The following PFKFB1 variants were observed in gnomAD, a reference collection of about 807,000 sequenced individuals.
PFKFB1 encodes the protein 6-phosphofructo-2-kinase/fructose-2,6-bisphosphatase 1.
PFKFB1 carries 34 observed loss-of-function variants against 46.4 expected under a neutral mutation model. The ratio of observed to expected loss-of-function variants is 0.73; its 90% CI spans 0.56 to 0.98. The LOEUF is 0.98. PFKFB1 is among the 50% of genes least tolerant of loss of function. The pLI is 0.00. For synonymous variants in PFKFB1, 119 were observed against 133.8 expected, an observed-to-expected ratio of 0.89 and a Z score of 0.76; for missense variants, 393 against 376.3, an observed-to-expected ratio of 1.04 and a Z score of -0.37.
Position 54,952,084 on chromosome X carries a change from C to T in PFKFB1, c.667G>A (p.Val223Met), listed in dbSNP as rs763051175. The T allele has an allele frequency of 5.0e-6, 6 of 1,210,987 alleles. No homozygotes were observed. In the Admixed American group the frequency reaches 8.7e-5, roughly 18 times the overall value. Residue 223 changes from valine (V) to methionine (M), a missense_variant, in exon 8 of 14, where the codon GTG becomes ATG. By Grantham distance (21) the Val-to-Met change is conservative. Coordinates refer to ENST00000375006, the MANE Select transcript of PFKFB1 (RefSeq NM_002625.4). Reference protein sequence around the residue: ...SHLSYIKIFDVGTRYMVNRVQ... With the variant: ...SHLSYIKIFDMGTRYMVNRVQ... ...CGGTTCACCATGTAGCGTGTGCCCA[C>T]GTCGAAGATCTTGATGTAGGACAGG...
chrX:54,988,962 A>C (rs187739144), intron 1 of PFKFB1, among the ~76,000 whole-genome samples: 1 of 112,370 alleles, frequency 8.9e-6, no homozygotes, highest in Admixed American at 9.4e-5. Flanking sequence ...ACATGCCCAA[A>C]GAAACGAGCC....
At chrX:54,966,119 C>A (rs937006678) in intron 1 of PFKFB1, among the ~76,000 whole-genome samples, 2 of 111,566 alleles carry the variant, frequency 1.8e-5, no homozygotes, top group East Asian at 5.6e-4. Flanking sequence ...AAATGTGAAT[C>A]GACTAAACAT....
intron 1 of PFKFB1, among the ~76,000 whole-genome samples, chrX:54,976,171 T>A (rs939605798): frequency 2.7e-5 from 3 of 111,737 alleles, no homozygotes; most frequent in African/African-American, 9.7e-5. Flanking sequence ...TTAACATTTT[T>A]TTATCTGTGA....
At chrX:54,938,603 T>C (rs894543652) in intron 10 of PFKFB1, among the ~76,000 whole-genome samples, 1 of 111,214 alleles carries the variant, frequency 9.0e-6, no homozygotes, top group Non-Finnish European at 1.9e-5. Flanking sequence ...TCCTAGTCTC[T>C]GATAAAACAG....
At chrX:54,979,912 G>A in intron 1 of PFKFB1, among the ~76,000 whole-genome samples, 1 of 111,956 alleles carries the variant, frequency 8.9e-6, no homozygotes, top group Middle Eastern at 4.6e-3. Context: ...TTGGAAGCCA[G>A]CTGTCATGTT....
At chrX:54,998,054 G>A (rs1463503904), upstream of PFKFB1, among the ~76,000 whole-genome samples, 1 of 111,931 alleles carries the variant, frequency 8.9e-6, no homozygotes, top group African/African-American at 3.3e-5. Context: ...AAGAGAGCTT[G>A]TTCAAAGCGC....
chrX:54,939,620 C>T (rs1019834328), intron 10 of PFKFB1, among the ~76,000 whole-genome samples: 17 of 111,841 alleles, frequency 1.5e-4, no homozygotes, highest in African/African-American at 2.3e-4. Flanking sequence ...AACACCTCTA[C>T]GCAAATAAAC....
rs1934007560 is a variant in PFKFB1 at position 54,952,227 on chromosome X, TC to T, written c.639-116del. The T allele has an allele frequency of 9.2e-6, 5 of 543,132 alleles. No homozygotes were observed. In the Admixed American group the frequency reaches 1.1e-4, roughly 12 times the overall value. The allele number at this position is 543,132 out of a possible 1,213,427, so 44.8% of individuals were successfully genotyped here. A position where few individuals can be genotyped will look rare whatever the true frequency, so the allele number is the denominator to read the frequency against. Reference sequence around the variant, plus strand: ...TCAAACCTCTTCCACAACCCAGCTGTCACCTAATGTGATGCAATGCCTTGCC... The same window carrying T: ...TCAAACCTCTTCCACAACCCAGCTGTACCTAATGTGATGCAATGCCTTGCC... On this transcript the variant is annotated intron_variant, in intron 7 of 13. Transcript: ENST00000375006.
intron 1 of PFKFB1, among the ~76,000 whole-genome samples, chrX:54,976,899 A>C (rs1479813229): frequency 1.8e-5 from 2 of 111,047 alleles, no homozygotes; most frequent in African/African-American, 3.3e-5. Flanking sequence ...CTGACATGTG[A>C]TATAATTCCA....
chrX:54,984,001 T>C (rs779642616), intron 1 of PFKFB1, among the ~76,000 whole-genome samples: 1 of 111,659 alleles, frequency 9.0e-6, no homozygotes, highest in Non-Finnish European at 1.9e-5. Flanking sequence ...CTTTGCCCAC[T>C]TTTTAATAGG....
chrX:54,997,123 T>C (rs1935368316), upstream of PFKFB1, among the ~76,000 whole-genome samples: 1 of 111,925 alleles, frequency 8.9e-6, no homozygotes, highest in Admixed American at 9.5e-5. Flanking sequence ...AGTCTACATC[T>C]CTCTGCCCTA....
At chrX:54,963,515 T>A in intron 1 of PFKFB1, 133 bp from the exon 2 acceptor site, 1 of 634,799 alleles carries the variant, frequency 1.6e-6, no homozygotes, top group Non-Finnish European at 2.3e-6. Flanking sequence ...AAAGTGAAAA[T>A]TAAGAACTTC....
intron 1 of PFKFB1, among the ~76,000 whole-genome samples, chrX:54,966,701 C>T (rs1299646014): frequency 9.0e-6 from 1 of 110,858 alleles, no homozygotes; most frequent in African/African-American, 3.3e-5. Flanking sequence ...TTTTTCCTCT[C>T]CCTCTCCCTC....
At chrX:54,959,930 A>T in intron 3 of PFKFB1, 37 bp from the exon 4 acceptor site, 1 of 970,070 alleles carries the variant, frequency 1.0e-6, no homozygotes, top group Non-Finnish European at 1.5e-6. Context: ...GGCAACCCTT[A>T]TCCCCCAGGA....
chrX:54,970,337 T>A (rs956717009), intron 1 of PFKFB1, among the ~76,000 whole-genome samples: 39 of 111,228 alleles, frequency 3.5e-4, no homozygotes, highest in Non-Finnish European at 3.0e-4. Flanking sequence ...TTTATTTTTT[T>A]AGTTTTATTA....
At chrX:54,970,236 G>A (rs779396271) in intron 1 of PFKFB1, among the ~76,000 whole-genome samples, 1 of 111,260 alleles carries the variant, frequency 9.0e-6, no homozygotes, top group South Asian at 3.8e-4. Flanking sequence ...AACCTTTCTA[G>A]TACCAATAAG....
In PFKFB1 at chrX:54,933,414, C is replaced by T. The variant is rs749625958; in HGVS notation, c.1405G>A (p.Ala469Thr). Reference protein sequence around the residue: ...EPEEALDTVPAHY With the variant: ...EPEEALDTVPTHY ...TTCTTGGAAAGGGCTCAGTAGTGGG[C>T]TGGGACAGTATCCAGGGCTTCCTCA... Residue 469 changes from alanine (A) to threonine (T), a missense_variant, in exon 14 of 14, where the codon GCC (alanine) becomes ACC (threonine). Ala to Thr is a moderately conservative substitution (Grantham distance 58, BLOSUM62 0). Coordinates refer to ENST00000375006, the MANE Select transcript of PFKFB1 (RefSeq NM_002625.4). The T allele has an allele frequency of 8.3e-7, 1 of 1,206,380 alleles. No individual in the cohort carries two copies. Among genetic ancestry groups the T allele is most frequent in the East Asian group, 3.0e-5 (1 of 33,735 alleles).
Position 54,949,153 on chromosome X carries a change from G to A in PFKFB1, c.915C>T (p.His305=). The A allele has an allele frequency of 8.3e-7, 1 of 1,210,603 alleles. No individual in the cohort carries two copies. Among genetic ancestry groups the A allele is most frequent in the Non-Finnish European group, 1.1e-6 (1 of 894,654 alleles). The change falls in exon 9 of 14, where the codon CAC becomes CAT. Residue 305 remains histidine, a synonymous_variant. Coordinates refer to ENST00000375006, the MANE Select transcript of PFKFB1 (RefSeq NM_002625.4). The part of the protein sequence containing the change: ...GISSLKVWTS[H]MKRTIQTAEA... ...CAGCTGTCTGGATGGTCCTCTTCATGTGACTGGTCCACACCTTCAGGGAGC... is the reference window on the plus strand; with the variant it reads ...CAGCTGTCTGGATGGTCCTCTTCATATGACTGGTCCACACCTTCAGGGAGC...
At chrX:54,986,011 AT>A (rs1242269193) in intron 1 of PFKFB1, among the ~76,000 whole-genome samples, 1 of 112,332 alleles carries the variant, frequency 8.9e-6, no homozygotes, top group Admixed American at 9.4e-5. Flanking sequence ...CTATGGAAAA[AT>A]AAAACTGCAT....
Sources: gnomAD v4.1 joint callset for allele counts (sites outside exome capture counted in the v4.1 genomes callset) on GRCh38, gnomAD v4.1.1 for gene constraint, MANE v1.5 for transcripts, NCBI Gene and HGNC (gene_info 2026-07-23, HGNC 2026-07-21) for gene names.